The following LYST variants were observed in gnomAD, a reference collection of about 807,000 sequenced individuals.
LYST encodes lysosomal trafficking regulator, also known as lysosomal-trafficking regulator.
A neutral mutation model predicts 413.6 loss-of-function variants in LYST; 192 were observed. The ratio of observed to expected loss-of-function variants is 0.46; its 90% CI spans 0.41 to 0.52. The LOEUF is 0.52. LYST is among the 20% of genes least tolerant of loss of function. LYST has a pLI of 0.00. For missense variants in LYST, 3,815 were observed against 4,499.9 expected, an observed-to-expected ratio of 0.85 and a Z score of 4.35; for synonymous variants, 1,525 against 1,567.3, an observed-to-expected ratio of 0.97 and a Z score of 0.64.
intron 46 of LYST, among the ~76,000 whole-genome samples, chr1:235,695,856 C>T (rs1281722865): frequency 6.6e-6 from 1 of 151,944 alleles, no homozygotes; most frequent in African/African-American, 2.4e-5. Context: ...AGGATGGTCT[C>T]GATCTCCTGA....
At chr1:235,706,771 A>G (rs895863253) in intron 44 of LYST, among the ~76,000 whole-genome samples, 3 of 152,208 alleles carry the variant, frequency 2.0e-5, no homozygotes, top group Non-Finnish European at 4.4e-5. Context: ...TAGAATAATT[A>G]GGAAGCCTAT....
At chr1:235,812,895 TCAAA>T in intron 4 of LYST, 72 bp downstream of exon 4, 4 of 844,166 alleles carry the variant, frequency 4.7e-6, no homozygotes, top group Non-Finnish European at 8.1e-6. Flanking sequence ...TGAATCAGAA[TCAAA>T]CATTCAGGCA....
At chr1:235,740,205 G>A (rs946585374) in intron 31 of LYST, among the ~76,000 whole-genome samples, 1 of 152,058 alleles carries the variant, frequency 6.6e-6, no homozygotes, top group Non-Finnish European at 1.5e-5. Context: ...AATATGATAT[G>A]TGTTTTCCAT....
chr1:235,843,428 G>C (rs1426957024), intron 1 of LYST, among the ~76,000 whole-genome samples: 1 of 152,120 alleles, frequency 6.6e-6, no homozygotes, highest in Non-Finnish European at 1.5e-5. Context: ...TAGTCACACA[G>C]AGCTGTGTGA....
chr1:235,713,523 C>T (rs936168863), intron 42 of LYST, among the ~76,000 whole-genome samples: 6 of 152,138 alleles, frequency 3.9e-5, no homozygotes, highest in African/African-American at 1.2e-4. Flanking sequence ...TATATTAAAC[C>T]TGTGGTTCTC....
chr1:235,804,523 T>C lies in LYST; in HGVS notation c.3536A>G (p.Asn1179Ser), dbSNP rs201085929. Residue 1179 changes from asparagine to serine, a missense_variant, in exon 7 of 53, where the codon AAT becomes AGT. This residue lies in a region of LYST where 1,648 missense variants were observed against 1,810.3 expected (regional missense o/e 0.91). Transcript: ENST00000389793. Reference sequence around the variant, plus strand: ...TCATACCTTCTCAGTCATAGCATCATTATGTTCAAAATCTGCTGAATAATT... The same window carrying C: ...TCATACCTTCTCAGTCATAGCATCACTATGTTCAAAATCTGCTGAATAATT... Reference protein sequence around the residue: ...LGNYSADFEHNDAMTEKSHQS... With the variant: ...LGNYSADFEHSDAMTEKSHQS... 5.5e-5 allele frequency: 89 copies of C among 1,613,572 alleles called. No individual in the cohort carries two copies. Among genetic ancestry groups the C allele is most frequent in the South Asian group, 2.0e-4 (18 of 91,060 alleles).
intron 1 of LYST, among the ~76,000 whole-genome samples, chr1:235,873,383 T>A (rs561832568): frequency 6.6e-6 from 1 of 152,228 alleles, no homozygotes; most frequent in Non-Finnish European, 1.5e-5. Flanking sequence ...AATTCTGTCC[T>A]GTTTTTCTGC....
chr1:235,678,933 C>T (rs1478856853), intron 48 of LYST, among the ~76,000 whole-genome samples: 10 of 152,064 alleles, frequency 6.6e-5, no homozygotes, highest in Admixed American at 6.5e-4. Flanking sequence ...TTCTCAAAAA[C>T]ACCATTGTTT....
intron 7 of LYST, 24 bp downstream of exon 7, chr1:235,804,480 A>C: frequency 6.3e-7 from 1 of 1,599,818 alleles, no homozygotes; most frequent in South Asian, 1.1e-5. Context: ...CCCAAAGAAC[A>C]CAACTATATG....
rs761887175 is a variant in LYST, at chr1:235,693,433, C to T, written c.10618G>A (p.Gly3540Arg). 1.9e-6 allele frequency: 3 copies of T among 1,613,006 alleles called. No individual in the cohort carries two copies. The part of the protein sequence containing the change: ...DIQWSAILSW[G>R]YADNILRLKS... ...AACCTTAAAATATTATCAGCATATC[C>T]CCAGCTCAGGATGGCTGACCACTGA... The change falls in exon 47 of 53, where the codon GGA becomes AGA. Residue 3540 changes from glycine to arginine, a missense_variant. Transcript: ENST00000389793.
rs1662210523 is a variant in LYST, at chr1:235,709,159, C to T, written c.10075G>A (p.Asp3359Asn). 1 of 1,614,150 alleles carries T rather than the reference C, an allele frequency of 6.2e-7. No homozygotes were observed. The highest frequency in any genetic ancestry group is 8.5e-7 in the Non-Finnish European group (1 of 1,180,010). ...YVSQNICQWI[D>N]LVFGYKQKGK... ...TTTTGCTTATACCCAAACACCAAGT[C>T]AATCCACTGACAGATGTTCTGCGAC... Residue 3359 changes from aspartate to asparagine, a missense_variant, in exon 44 of 53, where the codon GAC becomes AAC. Physicochemically the swap from Asp to Asn is conservative, Grantham distance 23. Around this residue, in one of 4 missense-constraint regions of LYST, gnomAD observed 866 missense variants for 1,156.0 expected, o/e 0.75. Coordinates refer to ENST00000389793, the MANE Select transcript of LYST (RefSeq NM_000081.4).
chr1:235,738,338 G>T, intron 31 of LYST: 1 of 1,612,048 alleles, frequency 6.2e-7, no homozygotes, highest in Non-Finnish European at 8.5e-7. Flanking sequence ...CCAGTGTAAT[G>T]TGAACATCTT....
chr1:235,702,870 C>G lies in LYST; in HGVS notation c.10251G>C (p.Met3417Ile), dbSNP rs1328251568. ...TGGCTCCAGGTCTGCTCACATGGGC[C>G]ATGTGGAACAGCTGACGGGGAGTCT... is the stretch of plus-strand genomic sequence containing the variant. ...YGQTPRQLFH[M>I]AHVSRPGAKL... The change falls in exon 45 of 53, where the codon ATG (methionine) becomes ATC (isoleucine). Residue 3417 changes from methionine to isoleucine, a missense_variant. Met to Ile is a conservative substitution (Grantham distance 10, BLOSUM62 1). This residue lies in a region of LYST where 866 missense variants were observed against 1,156.0 expected (regional missense o/e 0.75). Transcript: ENST00000389793. 1.2e-6 allele frequency: 2 copies of G among 1,614,178 alleles called. No individual in the cohort carries two copies. The highest frequency in any genetic ancestry group is 2.2e-5 in the South Asian group (2 of 91,082).
intron 47 of LYST, among the ~76,000 whole-genome samples, chr1:235,692,491 C>T (rs1021883815): frequency 6.6e-6 from 1 of 151,884 alleles, no homozygotes; most frequent in African/African-American, 2.4e-5. Context: ...AGCGATTCTC[C>T]TGCCTCAGCC....
At position 235,751,200 on chromosome 1, in the gene LYST, C is replaced by A; in HGVS notation, c.7780+10G>T. ...ATTTATGGTTATTAAAATATGATTT[C>A]AATACTCGCCAGCAATGCTTTTCCG... On this transcript the variant is annotated intron_variant, in intron 28 of 52. Transcript: ENST00000389793. The A allele has an allele frequency of 4.3e-6, 7 of 1,611,078 alleles. No individual in the cohort carries two copies. Among genetic ancestry groups the A allele is most frequent in the Non-Finnish European group, 5.9e-6 (7 of 1,177,362 alleles).
At chr1:235,682,612 C>A (rs897469595) in intron 48 of LYST, among the ~76,000 whole-genome samples, 4 of 151,994 alleles carry the variant, frequency 2.6e-5, no homozygotes, top group Non-Finnish European at 5.9e-5. Flanking sequence ...ATGCTTAGGG[C>A]CAACAGTTAA....
At chr1:235,827,814 C>T (rs991974321) in intron 3 of LYST, 99 of 809,936 alleles carry the variant, frequency 1.2e-4, no homozygotes, top group Non-Finnish European at 1.4e-4. Context: ...TAAAATATAT[C>T]TTATGACTTA....
chr1:235,778,097 A>AT (rs1669467911), intron 16 of LYST, among the ~76,000 whole-genome samples: 1 of 126,248 alleles, frequency 7.9e-6, no homozygotes, highest in Admixed American at 7.4e-5. Flanking sequence ...TAACCCAGTT[A>AT]AATATATATA....
At chr1:235,829,257 C>T (rs563636954) in intron 3 of LYST, among the ~76,000 whole-genome samples, 1 of 152,252 alleles carries the variant, frequency 6.6e-6, no homozygotes, top group East Asian at 1.9e-4. Context: ...CAAGTAAATG[C>T]TTCCTAATTT....
Sources: gnomAD v4.1 joint callset for allele counts (sites outside exome capture counted in the v4.1 genomes callset) on GRCh38, gnomAD v4.1.1 for gene constraint, gnomAD v4.1.1 regional missense constraint, MANE v1.5 for transcripts, NCBI Gene and HGNC (gene_info 2026-07-23, HGNC 2026-07-21) for gene names.